The following SDR42E2 variants were observed in gnomAD, a reference collection of about 807,000 sequenced individuals.
SDR42E2 encodes putative short-chain dehydrogenase/reductase family 42E member 2.
In SDR42E2, 20 loss-of-function variants were observed where a neutral mutation model predicts 10.5. The observed-to-expected ratio is 1.90, with a 90% confidence interval of 1.34 to 2.77. The LOEUF is 2.77. Ranked by LOEUF, SDR42E2 falls within the 30% of genes most tolerant of loss-of-function variation. SDR42E2 has a pLI of 0.00. For synonymous variants in SDR42E2, 72 were observed against 39.2 expected (o/e 1.84, Z -3.12); for missense variants, 162 against 104.2 (o/e 1.55, Z -2.42).
At chr16:22,164,911 C>G (rs1287509737) in intron 1 of SDR42E2, among the ~76,000 whole-genome samples, 1 of 152,148 alleles carries the variant, frequency 6.6e-6, no homozygotes, top group Non-Finnish European at 1.5e-5. Flanking sequence ...TTTGGTACTC[C>G]ATGGAAACTG....
chr16:22,167,409 T>C (rs2046553105), intron 4 of SDR42E2, among the ~76,000 whole-genome samples: 1 of 151,958 alleles, frequency 6.6e-6, no homozygotes, highest in South Asian at 2.1e-4. Flanking sequence ...GGTCTCAAGC[T>C]CCTGACCTCA....
rs986326265 is a variant in SDR42E2, at chr16:22,191,112, C to G, written c.*719C>G. ...CCTTTTTTCCTCCCTCCGGCCTGTC[C>G]GGTTTCTGATATGGGCCAAGGCTCA... On this transcript the variant is annotated 3_prime_UTR_variant, in exon 13 of 13. Transcript: ENST00000602312. 1 of 153,838 alleles carries G rather than the reference C, an allele frequency of 6.5e-6. No individual in the cohort carries two copies. The highest frequency in any genetic ancestry group is 1.4e-5 in the Non-Finnish European group (1 of 69,012). The allele number at this position is 153,838 out of a possible 1,614,324, so 9.5% of individuals were successfully genotyped here. A position where few individuals can be genotyped will look rare whatever the true frequency, so the allele number is the denominator to read the frequency against.
intron 12 of SDR42E2, among the ~76,000 whole-genome samples, chr16:22,187,325 A>C (rs187756486): frequency 1.7e-3 from 256 of 152,238 alleles, no homozygotes; most frequent in African/African-American, 5.8e-3. Context: ...TGAGCTCAAG[A>C]GATCCTCTTG....
At chr16:22,171,717 G>C (rs2046603124) in intron 6 of SDR42E2, among the ~76,000 whole-genome samples, 1 of 152,050 alleles carries the variant, frequency 6.6e-6, no homozygotes, top group African/African-American at 2.4e-5. Context: ...ATTTTTAGTG[G>C]ATACAGGTTT....
intron 4 of SDR42E2, among the ~76,000 whole-genome samples, chr16:22,168,921 A>C (rs1488173811): frequency 3.3e-5 from 5 of 152,162 alleles, no homozygotes; most frequent in Admixed American, 1.3e-4. Context: ...CATGGAGCTC[A>C]TCTCCTGGTG....
chr16:22,180,979 C>A (rs1309687689), intron 8 of SDR42E2, among the ~76,000 whole-genome samples: 1 of 152,102 alleles, frequency 6.6e-6, no homozygotes, highest in Admixed American at 6.6e-5. Context: ...GCACTCCAAT[C>A]TGGATAACAG....
chr16:22,186,513 T>A (rs1188631001), intron 11 of SDR42E2, among the ~76,000 whole-genome samples: 1 of 152,172 alleles, frequency 6.6e-6, no homozygotes, highest in East Asian at 1.9e-4. Context: ...AGCCTGGTCA[T>A]TTAATATTAA....
intron 8 of SDR42E2, among the ~76,000 whole-genome samples, chr16:22,179,418 C>G (rs1045045841): frequency 6.6e-6 from 1 of 152,134 alleles, no homozygotes; most frequent in Non-Finnish European, 1.5e-5. Flanking sequence ...CCGCACTGTT[C>G]TAGGTTTGAG....
At chr16:22,177,353 G>A (rs996270960) in intron 7 of SDR42E2, among the ~76,000 whole-genome samples, 6 of 152,102 alleles carry the variant, frequency 3.9e-5, no homozygotes, top group African/African-American at 1.4e-4. Context: ...AAGGCCGGGC[G>A]CGGTGGCTCA....
chr16:22,185,122 C>T lies in SDR42E2; in HGVS notation c.940+878C>T, dbSNP rs1023467428. On this transcript the variant is annotated intron_variant, in intron 11 of 12. Coordinates refer to ENST00000602312, the MANE Select transcript of SDR42E2 (RefSeq NM_001394319.2). The stretch of plus-strand genomic sequence containing the variant: ...GCTCCCACCTCCACCCCCGACAATG[C>T]GTCTTGGCTGCTCCCCTTCCCTCTG... Among the ~76,000 whole-genome samples, 8 of 152,148 alleles carry T rather than the reference C, an allele frequency of 5.3e-5. No individual in the cohort carries two copies. In the South Asian group the frequency reaches 8.3e-4, roughly 16 times the overall value.
chr16:22,182,269 G>A lies in SDR42E2; in HGVS notation c.868G>A (p.Ala290Thr). ...GESVNLFEWM[A>T]PLFEKLGYSQ... ...GAGCGTCAACCTCTTTGAGTGGATG[G>A]CCCCACTGGTAGGTGCACAGATGCC... The change falls in exon 10 of 13, where the codon GCC (alanine) becomes ACC (threonine). Residue 290 changes from alanine (A) to threonine (T), a missense_variant. Coordinates refer to ENST00000602312, the MANE Select transcript of SDR42E2 (RefSeq NM_001394319.2). 1 of 401,430 alleles carries A rather than the reference G, an allele frequency of 2.5e-6. No individual in the cohort carries two copies. The highest frequency in any genetic ancestry group is 4.4e-6 in the Non-Finnish European group (1 of 226,510). 24.9% of individuals were successfully genotyped at this position (401,430 alleles called of 1,614,324 possible).
In SDR42E2 at chr16:22,170,926, CTG is replaced by C; in HGVS notation, c.491_492del (p.Val164AlafsTer51). 1 of 703,030 alleles carries C rather than the reference CTG, an allele frequency of 1.4e-6. No homozygotes were observed. The highest frequency in any genetic ancestry group is 2.6e-6 in the Non-Finnish European group (1 of 385,012). The allele number at this position is 703,030 out of a possible 1,614,324, so 43.5% of individuals were successfully genotyped here. A position where few individuals can be genotyped will look rare whatever the true frequency, so the allele number is the denominator to read the frequency against. On this transcript the variant is annotated frameshift_variant, in exon 6 of 13. Coordinates refer to ENST00000602312, the MANE Select transcript of SDR42E2 (RefSeq NM_001394319.2). LOFTEE classifies it high-confidence loss of function. Reference sequence around the variant, plus strand: ...CCCATAGAGCAGGGCGATGAGGACTCTGTGCCATATTTCCCATTGGACGAGGT... The same window carrying C: ...CCCATAGAGCAGGGCGATGAGGACTCTGCCATATTTCCCATTGGACGAGGT...
chr16:22,177,354 C>T (rs2046652972), intron 7 of SDR42E2, among the ~76,000 whole-genome samples: 1 of 152,088 alleles, frequency 6.6e-6, no homozygotes, highest in South Asian at 2.1e-4. Context: ...AGGCCGGGCG[C>T]GGTGGCTCAT....
chr16:22,177,720 T>C (rs1027411295), intron 7 of SDR42E2, among the ~76,000 whole-genome samples: 2 of 152,196 alleles, frequency 1.3e-5, no homozygotes, highest in African/African-American at 2.4e-5. Flanking sequence ...TGTGCATCTA[T>C]GTGCATCTGT....
At chr16:22,188,292 G>A (rs1467077673) in intron 12 of SDR42E2, among the ~76,000 whole-genome samples, 1 of 152,178 alleles carries the variant, frequency 6.6e-6, no homozygotes, top group Non-Finnish European at 1.5e-5. Flanking sequence ...AACAAGGGGA[G>A]TCAGAGGGGG....
intron 10 of SDR42E2, 90 bp downstream of exon 10, chr16:22,182,367 GAC>G (rs2046703129): frequency 2.5e-6 from 1 of 397,142 alleles, no homozygotes; most frequent in Admixed American, 4.5e-5. Flanking sequence ...AATTTTTTGA[GAC>G]AGAGTTTTGC....
chr16:22,182,911 G>A (rs374635381), intron 10 of SDR42E2, among the ~76,000 whole-genome samples: 13 of 152,154 alleles, frequency 8.5e-5, no homozygotes, highest in South Asian at 4.1e-4. Flanking sequence ...CAGCTGAGGC[G>A]GGAGGATCTC....
Position 22,190,168 on chromosome 16 carries a change from C to G in SDR42E2, c.1044C>G (p.Phe348Leu). The G allele has an allele frequency of 2.5e-6, 1 of 401,220 alleles. No homozygotes were observed. Among genetic ancestry groups the G allele is most frequent in the East Asian group, 3.6e-5 (1 of 28,056 alleles). 24.9% of individuals were successfully genotyped at this position (401,220 alleles called of 1,614,324 possible). The change falls in exon 13 of 13, where the codon TTC becomes TTG. Residue 348 changes from phenylalanine to leucine, a missense_variant. Transcript: ENST00000602312. Reference protein sequence around the residue: ...EVRSVAVTHTFQIAKARAQLG... With the variant: ...EVRSVAVTHTLQIAKARAQLG... ...GCAGCGTGGCCGTGACGCACACCTT[C>G]CAGATAGCCAAGGCCCGCGCCCAGC...
chr16:22,183,420 T>C (rs947383977), intron 10 of SDR42E2, among the ~76,000 whole-genome samples: 5 of 152,178 alleles, frequency 3.3e-5, no homozygotes, highest in Non-Finnish European at 5.9e-5. Flanking sequence ...AGCCACCCAT[T>C]ATGTGTTGAG....
Sources: gnomAD v4.1 joint callset for allele counts (sites outside exome capture counted in the v4.1 genomes callset) on GRCh38, gnomAD v4.1.1 for gene constraint, MANE v1.5 for transcripts, NCBI Gene and HGNC (gene_info 2026-07-23, HGNC 2026-07-21) for gene names.